Variants in RPAP2 observed in about 807,000 individuals in gnomAD.
The protein encoded by RPAP2 is RNA polymerase II associated protein 2, also known as putative RNA polymerase II subunit B1 CTD phosphatase RPAP2.
RPAP2 carries 52 observed loss-of-function variants against 73.1 expected under a neutral mutation model. The ratio of observed to expected loss-of-function variants is 0.71; its 90% CI spans 0.57 to 0.90. The LOEUF (loss-of-function observed/expected upper bound fraction) is 0.90, where lower values mean the gene tolerates loss of function less well. Ranked by LOEUF, RPAP2 falls within the 40% of genes least tolerant of loss-of-function variation. The pLI, the probability that RPAP2 is intolerant of heterozygous loss-of-function variation, is 0.00. For missense variants in RPAP2, 598 were observed against 701.8 expected, an observed-to-expected ratio of 0.85 and a Z score of 1.67; for synonymous variants, 225 against 242.1, an observed-to-expected ratio of 0.93 and a Z score of 0.65.
At position 92,305,135 on chromosome 1, in the gene RPAP2, C is replaced by CA. The variant is rs529255684; in HGVS notation, c.399+794dup. Among the ~76,000 whole-genome samples the CA allele has an allele frequency of 4.1e-3, 596 of 145,388 alleles. 1 individual carries two copies. Among genetic ancestry groups the CA allele is most frequent in the African/African-American group, 0.013 (493 of 39,116 alleles). ...GGGCAACAGAGCAAGACACTGTCTT[C>CA]AAAAAAAAGACAATAGACCGGGCGC... On this transcript the variant is annotated intron_variant, in intron 5 of 12. Transcript: ENST00000610020.
At chr1:92,356,227 T>G (rs951372009) in intron 11 of RPAP2, among the ~76,000 whole-genome samples, 1 of 152,112 alleles carries the variant, frequency 6.6e-6, no homozygotes, top group African/African-American at 2.4e-5. Flanking sequence ...TCCACCTGCC[T>G]CAGCCTCCCA....
At chr1:92,342,766 A>G (rs964087251) in intron 10 of RPAP2, among the ~76,000 whole-genome samples, 2 of 152,128 alleles carry the variant, frequency 1.3e-5, no homozygotes, top group African/African-American at 2.4e-5. Context: ...GGGATGTGAG[A>G]GAGTCAAGTT....
chr1:92,314,097 G>A (rs1013626281), intron 6 of RPAP2, among the ~76,000 whole-genome samples: 1 of 152,136 alleles, frequency 6.6e-6, no homozygotes, highest in African/African-American at 2.4e-5. Flanking sequence ...TTGCTTTTTT[G>A]TGTTCACTGG....
At chr1:92,383,010 A>G (rs1571152823) in intron 12 of RPAP2, among the ~76,000 whole-genome samples, 1 of 152,170 alleles carries the variant, frequency 6.6e-6, no homozygotes, top group South Asian at 2.1e-4. Context: ...TCCCAGCACC[A>G]TTTATTAAAT....
chr1:92,377,585 TG>T (rs907979946), intron 11 of RPAP2, among the ~76,000 whole-genome samples: 4 of 147,532 alleles, frequency 2.7e-5, no homozygotes, highest in Admixed American at 1.4e-4. Flanking sequence ...GTAGTTAGAC[TG>T]GGGGGGAACA....
At chr1:92,322,727 A>G (rs2101173025) in intron 7 of RPAP2, among the ~76,000 whole-genome samples, 1 of 151,122 alleles carries the variant, frequency 6.6e-6, no homozygotes, top group East Asian at 1.9e-4. Context: ...AAATACAAAA[A>G]TTAGCCAGGC....
At chr1:92,317,595 A>T (rs1651996347) in intron 6 of RPAP2, among the ~76,000 whole-genome samples, 1 of 152,216 alleles carries the variant, frequency 6.6e-6, no homozygotes, top group Admixed American at 6.5e-5. Context: ...ATTTGGGAAG[A>T]TGAAAAAGTG....
intron 3 of RPAP2, among the ~76,000 whole-genome samples, chr1:92,302,322 A>G (rs927323263): frequency 2.0e-5 from 3 of 148,446 alleles, no homozygotes; most frequent in African/African-American, 7.6e-5. Context: ...AAAAATGAGG[A>G]TGGGGGAGAA....
Position 92,392,899 on chromosome 1 carries a change from T to G in RPAP2, c.*5888T>G, listed in dbSNP as rs537878813. 6.6e-6 allele frequency: 1 copy of G among 152,312 alleles called. No individual in the cohort carries two copies. Among genetic ancestry groups the G allele is most frequent in the Non-Finnish European group, 1.5e-5 (1 of 68,030 alleles). 9.4% of individuals were successfully genotyped at this position (152,312 alleles called of 1,614,324 possible). A position where few individuals can be genotyped will look rare whatever the true frequency, so the allele number is the denominator to read the frequency against. On this transcript the variant is annotated 3_prime_UTR_variant, in exon 13 of 13. Coordinates refer to ENST00000610020, the MANE Select transcript of RPAP2 (RefSeq NM_024813.3). ...AGAATCAATATCATGACAATGGCCTTGTTGCCCAAACTGATTTATAGATTC... is the reference window on the plus strand; with the variant it reads ...AGAATCAATATCATGACAATGGCCTGGTTGCCCAAACTGATTTATAGATTC...
rs1557633894 is a variant in RPAP2 at position 92,380,663 on chromosome 1, T to C, written c.1689-61T>C. 3 of 1,193,892 alleles carry C rather than the reference T, an allele frequency of 2.5e-6. No individual in the cohort carries two copies. The East Asian group carries it at 8.3e-5, about 33-fold the overall frequency. 74.0% of individuals were successfully genotyped at this position (1,193,892 alleles called of 1,614,324 possible). On this transcript the variant is annotated intron_variant, in intron 11 of 12. Coordinates refer to ENST00000610020, the MANE Select transcript of RPAP2 (RefSeq NM_024813.3). ...AAAATTTTCTCTGCCATGTTGAAGA[T>C]AGGAGTCCCTTTGCCCTTATCATTT...
Position 92,390,107 on chromosome 1 carries a change from G to T in RPAP2, c.*3096G>T, listed in dbSNP as rs183228035. The stretch of plus-strand genomic sequence containing the variant: ...ACACATAATTGTCAGATTCACCAAG[G>T]TTGAAATGAAGGAAAAACTGTTAAG... On this transcript the variant is annotated 3_prime_UTR_variant, in exon 13 of 13. Transcript: ENST00000610020. 6.6e-6 allele frequency: 1 copy of T among 152,280 alleles called. No individual in the cohort carries two copies. The highest frequency in any genetic ancestry group is 2.4e-5 in the African/African-American group (1 of 41,556). 9.4% of individuals were successfully genotyped at this position (152,280 alleles called of 1,614,324 possible).
chr1:92,367,909 TGA>T (rs1654992606), intron 11 of RPAP2, among the ~76,000 whole-genome samples: 1 of 152,218 alleles, frequency 6.6e-6, no homozygotes. Context: ...AATCCTTCTA[TGA>T]GAGAGTTATT....
In RPAP2 at chr1:92,309,896, G is replaced by C. The variant is rs996012879; in HGVS notation, c.488+2620G>C. On this transcript the variant is annotated intron_variant, in intron 6 of 12. Coordinates refer to ENST00000610020, the MANE Select transcript of RPAP2 (RefSeq NM_024813.3). ...CAGGCTGAGTGTGGTAAACCCTCAA[G>C]TATTGGGGAGCCATCAAATGTTTTT... 3.3e-5 allele frequency among the ~76,000 whole-genome samples: 5 copies of C among 152,176 alleles called. No individual in the cohort carries two copies. The South Asian group carries it at 6.2e-4, about 19-fold the overall frequency.
chr1:92,337,801 A>C (rs757500893), intron 10 of RPAP2, among the ~76,000 whole-genome samples: 1 of 152,132 alleles, frequency 6.6e-6, no homozygotes, highest in Non-Finnish European at 1.5e-5. Flanking sequence ...ATTCATCGTC[A>C]ATTCCCCAAC....
At chr1:92,339,773 C>T (rs1653500906) in intron 10 of RPAP2, among the ~76,000 whole-genome samples, 1 of 152,126 alleles carries the variant, frequency 6.6e-6, no homozygotes. Flanking sequence ...CCCAGCACTG[C>T]AGATATGAGG....
intron 11 of RPAP2, among the ~76,000 whole-genome samples, chr1:92,362,275 A>G (rs539202546): frequency 6.6e-6 from 1 of 152,318 alleles, no homozygotes; most frequent in South Asian, 2.1e-4. Context: ...GCTTTTAAAT[A>G]TTCTTCCTGC....
At chr1:92,322,117 T>C (rs1049052339) in intron 7 of RPAP2, among the ~76,000 whole-genome samples, 2 of 151,690 alleles carry the variant, frequency 1.3e-5, no homozygotes, top group Non-Finnish European at 2.9e-5. Flanking sequence ...GGCTAATTTT[T>C]GTATTTTTAG....
At position 92,307,241 on chromosome 1, in the gene RPAP2, TCCCAAAA is replaced by T; in HGVS notation, c.455_461del (p.Pro152LeufsTer17). ...CATCTAAGTTTTTTGAAGCACAAATTCCCAAAACTCCAGTATGGGTTCGAGAAGAAGA... is the reference window on the plus strand; with the variant it reads ...CATCTAAGTTTTTTGAAGCACAAATTCTCCAGTATGGGTTCGAGAAGAAGA... On this transcript the variant is annotated frameshift_variant, in exon 6 of 13. Transcript: ENST00000610020. LOFTEE classifies it high-confidence loss of function. 6.2e-7 allele frequency: 1 copy of T among 1,612,932 alleles called. No individual in the cohort carries two copies. Among genetic ancestry groups the T allele is most frequent in the Non-Finnish European group, 8.5e-7 (1 of 1,179,494 alleles).
rs909076018 is a variant in RPAP2, at chr1:92,392,576, G to A, written c.*5565G>A. 6 of 152,198 alleles carry A rather than the reference G, an allele frequency of 3.9e-5. No individual in the cohort carries two copies. The East Asian group carries it at 1.2e-3, about 29-fold the overall frequency. 9.4% of individuals were successfully genotyped at this position (152,198 alleles called of 1,614,324 possible). ...AAAGCAATAAAGCATATTCAAATAG[G>A]AAGAGAGGAAGTCAAATTGTCTCTG... On this transcript the variant is annotated 3_prime_UTR_variant, in exon 13 of 13. Coordinates refer to ENST00000610020, the MANE Select transcript of RPAP2 (RefSeq NM_024813.3).
Sources: gnomAD v4.1 joint callset for allele counts (sites outside exome capture counted in the v4.1 genomes callset) on GRCh38, gnomAD v4.1.1 for gene constraint, MANE v1.5 for transcripts, NCBI Gene and HGNC (gene_info 2026-07-23, HGNC 2026-07-21) for gene names.